Variants in ITGB5 observed in about 807,000 individuals in gnomAD.
ITGB5 encodes integrin beta-5.
Under a neutral mutation model 84.8 loss-of-function variants are expected in ITGB5, and 38 were observed. The observed-to-expected ratio is 0.45, with a 90% CI of 0.35 to 0.59. ITGB5 has a LOEUF of 0.59. ITGB5 is among the 20% of genes least tolerant of loss of function. The pLI, the probability that ITGB5 is intolerant of heterozygous loss-of-function variation, is 0.01. For missense variants in ITGB5, 905 were observed against 1,034.5 expected (o/e 0.87, Z 1.72); for synonymous variants, 393 against 414.4 (o/e 0.95, Z 0.63).
At chr3:124,847,227 A>G (rs2065090254) in intron 4 of ITGB5, among the ~76,000 whole-genome samples, 1 of 152,226 alleles carries the variant, frequency 6.6e-6, no homozygotes, top group African/African-American at 2.4e-5. Context: ...AACCCTCACT[A>G]AAGTTAAATG....
intron 8 of ITGB5, among the ~76,000 whole-genome samples, chr3:124,815,767 A>C (rs1256048659): frequency 6.6e-6 from 1 of 151,288 alleles, no homozygotes; most frequent in African/African-American, 2.4e-5. Context: ...CACATCCCAA[A>C]CCCTCTCTGG....
chr3:124,866,193 GGCTGGTCTTGAACTCCT>G (rs142927784), intron 2 of ITGB5, among the ~76,000 whole-genome samples: 3,538 of 151,700 alleles, frequency 0.023, 123 homozygotes, highest in African/African-American at 0.081. Flanking sequence ...ATGTTGGCCA[GGCTGGTCTTGAACTCCT>G]GAGTTCAAGT....
intron 1 of ITGB5, among the ~76,000 whole-genome samples, chr3:124,882,388 G>C (rs1934613400): frequency 6.6e-6 from 1 of 152,220 alleles, no homozygotes; most frequent in Non-Finnish European, 1.5e-5. Flanking sequence ...CTTTAGCTGG[G>C]AGCGGCCAGG....
chr3:124,868,621 A>C (rs894142463), intron 2 of ITGB5, among the ~76,000 whole-genome samples: 6 of 124,950 alleles, frequency 4.8e-5, no homozygotes, highest in African/African-American at 2.4e-4. Flanking sequence ...TCTCTACCAA[A>C]AAAAAAAAAA....
intron 1 of ITGB5, among the ~76,000 whole-genome samples, chr3:124,874,306 G>GAAAAAAAAAA (rs59287818): frequency 1.8e-5 from 2 of 113,392 alleles, no homozygotes; most frequent in Non-Finnish European, 1.7e-5. Flanking sequence ...TCAAAAGCCG[G>GAAAAAAAAAA]AAAAAAAAAA....
At chr3:124,818,618 A>G (rs1180059504) in intron 7 of ITGB5, among the ~76,000 whole-genome samples, 1 of 140,200 alleles carries the variant, frequency 7.1e-6, no homozygotes. Context: ...GGTTCAAGAG[A>G]TTCTCCTGCC....
chr3:124,862,493 G>A lies in ITGB5; in HGVS notation c.157-3047C>T, dbSNP rs368362616. 2.0e-5 allele frequency: 3 copies of A among 152,308 alleles called. No homozygotes were observed. In the South Asian group the frequency reaches 6.2e-4, roughly 32 times the overall value. 9.4% of individuals were successfully genotyped at this position (152,308 alleles called of 1,614,324 possible). ...CAACATCCTGCTCAAAGGGATTTTT[G>A]ATGGATACTACCCATCATTGCAGAA... On this transcript the variant is annotated intron_variant, in intron 2 of 14. Coordinates refer to ENST00000296181, the MANE Select transcript of ITGB5 (RefSeq NM_002213.5).
intron 5 of ITGB5, among the ~76,000 whole-genome samples, chr3:124,831,006 C>CA (rs1243030632): frequency 2.0e-5 from 3 of 151,330 alleles, no homozygotes; most frequent in East Asian, 1.9e-4. Context: ...ACAACAACAA[C>CA]AAAAAAACAA....
chr3:124,878,684 T>G (rs1297389130), intron 1 of ITGB5: 2 of 152,212 alleles, frequency 1.3e-5, no homozygotes, highest in Non-Finnish European at 2.9e-5. Flanking sequence ...CCACAGGCTG[T>G]GTGCTGGTAT....
chr3:124,836,889 G>A (rs143376838), intron 5 of ITGB5, among the ~76,000 whole-genome samples: 128 of 152,272 alleles, frequency 8.4e-4, no homozygotes, highest in Non-Finnish European at 1.6e-3. Context: ...GGAAATAAAT[G>A]CTTTAAAAAT....
At chr3:124,895,915 C>A (rs1432432209) in intron 1 of ITGB5, among the ~76,000 whole-genome samples, 1 of 152,212 alleles carries the variant, frequency 6.6e-6, no homozygotes, top group Non-Finnish European at 1.5e-5. Flanking sequence ...CTCTGGACCT[C>A]AGTTTGCTCA....
chr3:124,815,661 C>G (rs2064578180), intron 8 of ITGB5, among the ~76,000 whole-genome samples: 1 of 152,154 alleles, frequency 6.6e-6, no homozygotes, highest in Non-Finnish European at 1.5e-5. Flanking sequence ...AGTTCAGTGT[C>G]CAGAGATTGA....
In ITGB5 at chr3:124,873,442, A is replaced by T. The variant is rs150018021; in HGVS notation, c.156+4T>A. The T allele has an allele frequency of 6.2e-7, 1 of 1,605,842 alleles. No individual in the cohort carries two copies. The highest frequency in any genetic ancestry group is 1.1e-5 in the South Asian group (1 of 90,872). On this transcript the variant is annotated splice_donor_region_variant and intron_variant, in intron 2 of 14. Transcript: ENST00000296181. ...CTTCTTCCTCCCCTCCCCCACCTACATACCTCTTTGGAGCACCAGGCACAT... is the reference window on the plus strand; with the variant it reads ...CTTCTTCCTCCCCTCCCCCACCTACTTACCTCTTTGGAGCACCAGGCACAT...
Position 124,796,385 on chromosome 3 carries a change from T to A in ITGB5, c.1693+3A>T. On this transcript the variant is annotated splice_donor_region_variant and intron_variant, in intron 10 of 14. Transcript: ENST00000296181. ...AGCTAAAGTGCTTGCTGGGGACACT[T>A]ACCTGAGCAGAGGACTCCCTTGTTC... 6.2e-7 allele frequency: 1 copy of A among 1,601,830 alleles called. No homozygotes were observed. The highest frequency in any genetic ancestry group is 8.5e-7 in the Non-Finnish European group (1 of 1,172,236).
intron 10 of ITGB5, among the ~76,000 whole-genome samples, chr3:124,778,880 A>G (rs1008526662): frequency 6.6e-6 from 1 of 151,582 alleles, no homozygotes; most frequent in Admixed American, 6.6e-5. Context: ...TTAAGTTCCA[A>G]CAGCAGAGGA....
At chr3:124,818,170 T>C (rs2064636344) in intron 7 of ITGB5, among the ~76,000 whole-genome samples, 1 of 152,158 alleles carries the variant, frequency 6.6e-6, no homozygotes. Context: ...GTATAGACCC[T>C]TTCTTTAATA....
intron 12 of ITGB5, among the ~76,000 whole-genome samples, 189 bp downstream of exon 12, chr3:124,768,824 C>T (rs777437690): frequency 3.3e-5 from 5 of 152,214 alleles, no homozygotes; most frequent in Non-Finnish European, 5.9e-5. Flanking sequence ...TGCCAAGCTG[C>T]TTTCCAAAGT....
intron 1 of ITGB5, among the ~76,000 whole-genome samples, chr3:124,898,098 A>AT (rs1935143400): frequency 6.6e-6 from 1 of 151,914 alleles, no homozygotes; most frequent in Admixed American, 6.6e-5. Flanking sequence ...TCACCACTTT[A>AT]TGGGGGTAGG....
chr3:124,876,955 T>C lies in ITGB5; in HGVS notation c.71-3424A>G, dbSNP rs938572817. ...AGTGAGTTTTCTTTTCTTTTCTTTTTTTTGATTTCTTGTTTGTTTTTTTTT... is the reference window on the plus strand; with the variant it reads ...AGTGAGTTTTCTTTTCTTTTCTTTTCTTTGATTTCTTGTTTGTTTTTTTTT... On this transcript the variant is annotated intron_variant, in intron 1 of 14. Coordinates refer to ENST00000296181, the MANE Select transcript of ITGB5 (RefSeq NM_002213.5). 5.9e-5 allele frequency among the ~76,000 whole-genome samples: 9 copies of C among 151,388 alleles called. No individual in the cohort carries two copies. In the South Asian group the frequency reaches 8.4e-4, roughly 14 times the overall value.
Sources: allele counts gnomAD v4.1 joint callset (sites outside exome capture counted in the v4.1 genomes callset), GRCh38; gene constraint gnomAD v4.1.1; transcripts MANE v1.5; gene names NCBI Gene and HGNC (gene_info 2026-07-23, HGNC 2026-07-21).